The following ZMYND11 variants were observed in gnomAD, a reference collection of about 807,000 sequenced individuals.
The protein encoded by ZMYND11 is zinc finger MYND-type containing 11.
In ZMYND11, 9 loss-of-function variants were observed where a neutral mutation model predicts 84.9. The ratio of observed to expected loss-of-function variants is 0.11; its 90% CI spans 0.06 to 0.18. The LOEUF (loss-of-function observed/expected upper bound fraction) is 0.18. Among genes scored for constraint, ZMYND11 ranks in the 10% least tolerant of loss-of-function variants. The pLI, the probability that ZMYND11 is intolerant of heterozygous loss-of-function variation, is 1.00. For missense variants in ZMYND11, 409 were observed against 761.0 expected, an observed-to-expected ratio of 0.54 and a Z score of 5.44; for synonymous variants, 250 against 244.1, an observed-to-expected ratio of 1.02 and a Z score of -0.23.
upstream of ZMYND11, chr10:134,786 C>G (rs1277067321): frequency 6.6e-6 from 1 of 152,386 alleles, no homozygotes; most frequent in African/African-American, 2.4e-5. Flanking sequence ...CGCGCCTGCA[C>G]GTACGTAGCC....
chr10:223,025 C>G (rs1382910675), intron 4 of ZMYND11, among the ~76,000 whole-genome samples: 1 of 87,552 alleles, frequency 1.1e-5, no homozygotes. Flanking sequence ...TTTGTGTTTC[C>G]TTTACTCTTT....
chr10:208,214 T>C (rs1944534756), intron 2 of ZMYND11, among the ~76,000 whole-genome samples: 1 of 152,196 alleles, frequency 6.6e-6, no homozygotes, highest in African/African-American at 2.4e-5. Flanking sequence ...ACCTAGGCCT[T>C]ACCATTCAGG....
intron 13 of ZMYND11, 98 bp from the exon 14 acceptor site, chr10:248,805 A>C (rs1952743238): frequency 6.8e-7 from 1 of 1,465,872 alleles, no homozygotes; most frequent in Non-Finnish European, 9.1e-7. Context: ...AAGGGGAAAA[A>C]AGGTACCTCA....
Position 221,522 on chromosome 10 carries a change from A to G in ZMYND11, c.438+166A>G, listed in dbSNP as rs952867163. Among the ~76,000 whole-genome samples the G allele has an allele frequency of 1.4e-3, 210 of 152,232 alleles. 8 individuals are homozygous for G. Among genetic ancestry groups the G allele is most frequent in the Admixed American group, 0.013 (206 of 15,280 alleles). Reference sequence around the variant, plus strand: ...CTCATAAATGGACATCACAGAACACATACACCGTATTTCAGGGTGTGGATT... The same window carrying G: ...CTCATAAATGGACATCACAGAACACGTACACCGTATTTCAGGGTGTGGATT... On this transcript the variant is annotated intron_variant, in intron 4 of 14. Coordinates refer to ENST00000381604, the MANE Select transcript of ZMYND11 (RefSeq NM_001370100.5).
At chr10:174,160 G>A (rs1846018020) in intron 1 of ZMYND11, among the ~76,000 whole-genome samples, 1 of 152,144 alleles carries the variant, frequency 6.6e-6, no homozygotes, top group South Asian at 2.1e-4. Context: ...ACCTTTCCTC[G>A]AGTAGGTGAA....
At chr10:209,779 C>G (rs1944856206) in intron 2 of ZMYND11, 110 bp from the exon 3 acceptor site, 2 of 1,080,678 alleles carry the variant, frequency 1.9e-6, no homozygotes, top group Admixed American at 2.4e-5. Context: ...CAACAGGACT[C>G]TCATAAATAC....
chr10:198,223 T>C (rs1588877416), intron 2 of ZMYND11, among the ~76,000 whole-genome samples: 1 of 152,172 alleles, frequency 6.6e-6, no homozygotes, highest in African/African-American at 2.4e-5. Flanking sequence ...ATGAAAACTT[T>C]GCCTGTTATT....
chr10:187,597 G>T (rs1239838952), intron 2 of ZMYND11, among the ~76,000 whole-genome samples: 1 of 150,490 alleles, frequency 6.6e-6, no homozygotes, highest in African/African-American at 2.5e-5. Flanking sequence ...TTGCGCCACT[G>T]CAATCCGGCC....
chr10:146,816 G>A (rs28765992), intron 1 of ZMYND11, among the ~76,000 whole-genome samples: 3 of 152,320 alleles, frequency 2.0e-5, no homozygotes, highest in Admixed American at 2.0e-4. Context: ...TCTCATCATA[G>A]TGAATAAGTC....
intron 1 of ZMYND11, among the ~76,000 whole-genome samples, chr10:142,581 T>C (rs933742829): frequency 6.6e-6 from 1 of 152,220 alleles, no homozygotes; most frequent in Non-Finnish European, 1.5e-5. Flanking sequence ...TGAATTCCAA[T>C]GTATGACTAC....
intron 3 of ZMYND11, among the ~76,000 whole-genome samples, chr10:214,398 G>A (rs1346899004): frequency 1.3e-5 from 2 of 152,106 alleles, no homozygotes; most frequent in Non-Finnish European, 2.9e-5. Flanking sequence ...TTGAACCCAG[G>A]AGTTTGAGTC....
chr10:232,792 A>C (rs556272740), intron 4 of ZMYND11, among the ~76,000 whole-genome samples: 1 of 152,360 alleles, frequency 6.6e-6, no homozygotes, highest in South Asian at 2.1e-4. Flanking sequence ...AACTGTAATA[A>C]CTGAAGAAAA....
Position 248,560 on chromosome 10 carries a change from G to T in ZMYND11, c.1452G>T (p.Ser484=). Residue 484 remains serine (S), a synonymous_variant, in exon 13 of 15, where the codon TCG becomes TCT. Transcript: ENST00000381604. ...ATGACTTCAAAGACCGGATGAAGTC[G>T]GACCACAAGCGGGAGACAGAGCGTG... The part of the protein sequence containing the change: ...IFNDFKDRMK[S]DHKRETERVV... The T allele has an allele frequency of 6.2e-7, 1 of 1,613,492 alleles. No homozygotes were observed. The highest frequency in any genetic ancestry group is 8.5e-7 in the Non-Finnish European group (1 of 1,179,952).
chr10:217,427 G>A (rs1397766748), intron 3 of ZMYND11, among the ~76,000 whole-genome samples: 2 of 151,820 alleles, frequency 1.3e-5, no homozygotes, highest in Non-Finnish European at 2.9e-5. Context: ...GGAAGCTGAG[G>A]CGCAAGAATT....
intron 11 of ZMYND11, 116 bp from the exon 12 acceptor site, chr10:247,282 G>C: frequency 8.4e-7 from 1 of 1,187,964 alleles, no homozygotes. Context: ...GTGGATGGAA[G>C]GATGCAAAAG....
intron 1 of ZMYND11, among the ~76,000 whole-genome samples, chr10:156,211 T>G (rs1841685774): frequency 6.6e-6 from 1 of 152,144 alleles, no homozygotes; most frequent in South Asian, 2.1e-4. Flanking sequence ...TGGCCTCAAA[T>G]AGCTCCAAGG....
intron 4 of ZMYND11, 52 bp from the exon 5 acceptor site, chr10:236,786 A>C: frequency 6.8e-7 from 1 of 1,472,966 alleles, no homozygotes; most frequent in Non-Finnish European, 9.4e-7. Context: ...ATGAATATAG[A>C]CATAAGAATG....
At chr10:213,712 G>A (rs1945679109) in intron 3 of ZMYND11, among the ~76,000 whole-genome samples, 1 of 152,082 alleles carries the variant, frequency 6.6e-6, no homozygotes, top group African/African-American at 2.4e-5. Context: ...CTTTGTATCA[G>A]CAAAGAGTCT....
At chr10:131,297 C>A (rs1171337738), upstream of ZMYND11, among the ~76,000 whole-genome samples, 4 of 152,092 alleles carry the variant, frequency 2.6e-5, no homozygotes, top group Non-Finnish European at 4.4e-5. Context: ...TATGGGAGGA[C>A]CTACTTCTAA....
Sources: allele counts gnomAD v4.1 joint callset (sites outside exome capture counted in the v4.1 genomes callset), GRCh38; gene constraint gnomAD v4.1.1; transcripts MANE v1.5; gene names NCBI Gene and HGNC (gene_info 2026-07-23, HGNC 2026-07-21).